GNAL: variants seen among roughly 807,000 people sequenced by gnomAD.
The protein encoded by GNAL is guanine nucleotide-binding protein G(olf) subunit alpha.
A neutral mutation model predicts 55.1 loss-of-function variants in GNAL; 18 were observed. That is an observed-to-expected ratio of 0.33 (90% CI 0.23 to 0.48). The LOEUF (loss-of-function observed/expected upper bound fraction) is 0.48, where lower values mean the gene tolerates loss of function less well. Among genes scored for constraint, GNAL ranks in the 20% least tolerant of loss-of-function variants. GNAL has a pLI of 0.99. For synonymous variants in GNAL, 253 were observed against 237.0 expected, an observed-to-expected ratio of 1.07 and a Z score of -0.62; for missense variants, 412 against 614.1, an observed-to-expected ratio of 0.67 and a Z score of 3.48.
At chr18:11,837,457 G>T (rs575444403) in intron 5 of GNAL, among the ~76,000 whole-genome samples, 4 of 152,262 alleles carry the variant, frequency 2.6e-5, no homozygotes, top group Non-Finnish European at 5.9e-5. Flanking sequence ...AATCAGCAAA[G>T]GATCTAAATA....
chr18:11,689,620 C>A lies in GNAL; in HGVS notation c.57C>A (p.Pro19=). ...PLLFGGPGDD[P]CAASEPPVED... is the part of the protein sequence containing the mutation. ...TTTTCGGGGGCCCAGGGGACGACCC[C>A]TGCGCGGCCTCGGAGCCGCCGGTGG... is the stretch of plus-strand genomic sequence containing the variant. Residue 19 remains proline (P), a synonymous_variant, in exon 1 of 12, where the codon CCC becomes CCA. Transcript: ENST00000334049. 7.4e-7 allele frequency: 1 copy of A among 1,358,792 alleles called. No homozygotes were observed. Among genetic ancestry groups the A allele is most frequent in the Non-Finnish European group, 9.4e-7 (1 of 1,066,298 alleles). 84.2% of individuals were successfully genotyped at this position (1,358,792 alleles called of 1,614,324 possible).
intron 5 of GNAL, among the ~76,000 whole-genome samples, chr18:11,826,393 C>G (rs2035248184): frequency 6.6e-6 from 1 of 150,888 alleles, no homozygotes; most frequent in South Asian, 2.1e-4. Context: ...GGAGGAGACA[C>G]TAAGCATGGC....
intron 4 of GNAL, among the ~76,000 whole-genome samples, chr18:11,793,476 G>C (rs1288788293): frequency 1.3e-5 from 2 of 152,068 alleles, no homozygotes; most frequent in Non-Finnish European, 2.9e-5. Context: ...CAGCTACTTG[G>C]GGGGCTGAGG....
intron 1 of GNAL, among the ~76,000 whole-genome samples, chr18:11,728,867 G>T (rs1003240295): frequency 6.6e-6 from 1 of 152,012 alleles, no homozygotes; most frequent in Non-Finnish European, 1.5e-5. Flanking sequence ...TATACATTTT[G>T]AAAACAAATT....
intron 4 of GNAL, among the ~76,000 whole-genome samples, chr18:11,778,995 A>G (rs1175830856): frequency 6.6e-6 from 1 of 152,054 alleles, no homozygotes; most frequent in Non-Finnish European, 1.5e-5. Flanking sequence ...TTCAAGAAGA[A>G]TGTATCTCCC....
chr18:11,862,139 T>C (rs1011248916), intron 5 of GNAL, among the ~76,000 whole-genome samples: 3 of 151,312 alleles, frequency 2.0e-5, no homozygotes, highest in African/African-American at 7.3e-5. Context: ...CCCAGCGCTG[T>C]GGCAGTGGAG....
chr18:11,819,015 C>T (rs926372860), intron 4 of GNAL, among the ~76,000 whole-genome samples: 8 of 152,116 alleles, frequency 5.3e-5, no homozygotes, highest in Non-Finnish European at 7.3e-5. Context: ...GGGAGCAGGG[C>T]GGCCTGACCC....
chr18:11,738,791 G>C (rs536527101), intron 1 of GNAL, among the ~76,000 whole-genome samples: 1 of 152,196 alleles, frequency 6.6e-6, no homozygotes, highest in African/African-American at 2.4e-5. Flanking sequence ...GGTAAAGGAG[G>C]AGGCACTCCT....
intron 9 of GNAL, among the ~76,000 whole-genome samples, chr18:11,871,255 T>C (rs1300439044): frequency 2.7e-5 from 4 of 147,076 alleles, no homozygotes; most frequent in Non-Finnish European, 3.0e-5. Flanking sequence ...TTTTCTTTCT[T>C]TTTTTTTTTT....
chr18:11,728,463 A>G (rs2032263804), intron 1 of GNAL, among the ~76,000 whole-genome samples: 1 of 152,032 alleles, frequency 6.6e-6, no homozygotes, highest in African/African-American at 2.4e-5. Flanking sequence ...GCATTTTTAC[A>G]CTTGCTTCCA....
chr18:11,884,763 G>A lies in GNAL; in HGVS notation c.*3628G>A. 2 of 1,323,436 alleles carry A rather than the reference G, an allele frequency of 1.5e-6. No individual in the cohort carries two copies. The highest frequency in any genetic ancestry group is 3.0e-5 in the South Asian group (2 of 66,212). 82.0% of individuals were successfully genotyped at this position (1,323,436 alleles called of 1,614,324 possible). ...CAGGGAACGGGCCCTCCTCACCTGA[G>A]ACCAAGGGGGCCCAGCCTTCTCCCT... On this transcript the variant is annotated 3_prime_UTR_variant, in exon 12 of 12. Transcript: ENST00000334049.
chr18:11,804,153 A>G (rs12961372), intron 4 of GNAL, among the ~76,000 whole-genome samples: 4 of 139,718 alleles, frequency 2.9e-5, no homozygotes, highest in Admixed American at 7.1e-5. Context: ...TGCAGTTTGG[A>G]TGGAACACGG....
chr18:11,877,638 C>T (rs932105069), intron 11 of GNAL, among the ~76,000 whole-genome samples: 2 of 152,066 alleles, frequency 1.3e-5, no homozygotes, highest in Admixed American at 6.5e-5. Flanking sequence ...GCGATGTTCC[C>T]GGTAGTACTC....
chr18:11,743,061 T>C (rs2032613167), intron 1 of GNAL, among the ~76,000 whole-genome samples: 1 of 152,224 alleles, frequency 6.6e-6, no homozygotes, highest in Non-Finnish European at 1.5e-5. Flanking sequence ...CTACGAACCA[T>C]CTTCCCTTAT....
In GNAL at chr18:11,884,555, A is replaced by AGAT. The variant is rs1429535466; in HGVS notation, c.*3424_*3426dup. On this transcript the variant is annotated 3_prime_UTR_variant, in exon 12 of 12. Coordinates refer to ENST00000334049, the MANE Select transcript of GNAL (RefSeq NM_182978.4). ...ACAAGGAAGCCCACCACTCCACAGT[A>AGAT]GATGATCAAAACCACATCCTCACGT... 2 of 1,614,086 alleles carry AGAT rather than the reference A, an allele frequency of 1.2e-6. No homozygotes were observed. The highest frequency in any genetic ancestry group is 3.3e-5 in the Admixed American group (2 of 60,026).
Position 11,689,820 on chromosome 18 carries a change from G to T in GNAL, c.257G>T (p.Arg86Leu). ...ACCGAGCAGCTGAGTGCCGAGGAGC[G>T]CGAGGCGGCCAAGGAGCGCGAGGCG... ...QRTEQLSAEE[R>L]EAAKEREAVK... The change falls in exon 1 of 12, where the codon CGC (arginine) becomes CTC (leucine). Residue 86 changes from arginine (R) to leucine (L), a missense_variant. Physicochemically the swap from Arg to Leu is moderately radical, Grantham distance 102. Coordinates refer to ENST00000334049, the MANE Select transcript of GNAL (RefSeq NM_182978.4). 6.5e-7 allele frequency: 1 copy of T among 1,537,422 alleles called. No individual in the cohort carries two copies.
At chr18:11,724,241 G>A (rs1017717624) in intron 1 of GNAL, among the ~76,000 whole-genome samples, 8 of 152,170 alleles carry the variant, frequency 5.3e-5, no homozygotes, top group Admixed American at 1.3e-4. Context: ...CAGCCTCTGG[G>A]GGGGACCTCA....
intron 4 of GNAL, among the ~76,000 whole-genome samples, chr18:11,791,666 A>G (rs1428328248): frequency 6.6e-6 from 1 of 152,230 alleles, no homozygotes; most frequent in African/African-American, 2.4e-5. Flanking sequence ...TTTATATTAG[A>G]GAATAACAGA....
At chr18:11,722,517 G>T (rs1335043433) in intron 1 of GNAL, among the ~76,000 whole-genome samples, 6 of 152,134 alleles carry the variant, frequency 3.9e-5, no homozygotes. Context: ...CCATAAAGAT[G>T]GGAGGCTCTA....
Sources: gnomAD v4.1 joint callset for allele counts (sites outside exome capture counted in the v4.1 genomes callset) on GRCh38, gnomAD v4.1.1 for gene constraint, MANE v1.5 for transcripts, NCBI Gene and HGNC (gene_info 2026-07-23, HGNC 2026-07-21) for gene names.